Variants in P2RY8 observed in about 807,000 individuals in gnomAD.
P2RY8 encodes P2Y receptor family member 8.
In P2RY8, 6 loss-of-function variants were observed where a neutral mutation model predicts 10.0. The ratio of observed to expected loss-of-function variants is 0.60; its 90% confidence interval spans 0.33 to 1.19. The LOEUF is 1.19. P2RY8 is among the 50% of genes most tolerant of loss of function. The pLI is 0.04. For missense variants in P2RY8, 456 were observed against 542.0 expected (o/e 0.84, Z 1.58); for synonymous variants, 276 against 252.5 (o/e 1.09, Z -0.88).
chrX:1,473,291 G>A (rs1310154989), intron 1 of P2RY8, among the ~76,000 whole-genome samples: 1 of 150,624 alleles, frequency 6.6e-6, no homozygotes, highest in Admixed American at 6.6e-5. Flanking sequence ...GTGGATGGGG[G>A]GTTGGATGGA....
chrX:1,462,977 C>CAAA lies in P2RY8; in HGVS notation c.*2499_*2501dup, dbSNP rs60116199. ...GTGGCTGCAAAAATCATCATACTGA[C>CAAA]AAAAAAAAAAAATCGACGCATTTTG... On this transcript the variant is annotated 3_prime_UTR_variant, in exon 2 of 2. Transcript: ENST00000381297. 117 of 214,470 alleles carry CAAA rather than the reference C, an allele frequency of 5.5e-4. No homozygotes were observed. Among genetic ancestry groups the CAAA allele is most frequent in the Admixed American group, 8.3e-4 (14 of 16,930 alleles). 13.3% of individuals were successfully genotyped at this position (214,470 alleles called of 1,614,324 possible).
chrX:1,519,288 A>G (rs1415252374), intron 1 of P2RY8, among the ~76,000 whole-genome samples: 2 of 150,788 alleles, frequency 1.3e-5, no homozygotes, highest in African/African-American at 4.9e-5. Flanking sequence ...CTGCTCCCCA[A>G]TATTCTCTCC....
chrX:1,466,868 T>TTCCC (rs1353274707), intron 1 of P2RY8, among the ~76,000 whole-genome samples: 1 of 1,046 alleles, frequency 9.6e-4, no homozygotes, highest in Non-Finnish European at 2.0e-3. Context: ...TCTTCCCTCC[T>TTCCC]TCCTTCCTTC....
chrX:1,473,586 G>T (rs2091827071), intron 1 of P2RY8, among the ~76,000 whole-genome samples: 1 of 151,274 alleles, frequency 6.6e-6, no homozygotes, highest in Admixed American at 6.6e-5. Context: ...GTGGGTAGGT[G>T]GGTGAATGGG....
At chrX:1,502,748 G>A (rs2092192279) in intron 1 of P2RY8, among the ~76,000 whole-genome samples, 1 of 152,224 alleles carries the variant, frequency 6.6e-6, no homozygotes, top group Non-Finnish European at 1.5e-5. Context: ...TAAATGCAAT[G>A]ACAGGTGTCC....
chrX:1,534,674 T>C (rs1288699292), intron 1 of P2RY8, among the ~76,000 whole-genome samples: 5 of 151,876 alleles, frequency 3.3e-5, no homozygotes, highest in African/African-American at 1.2e-4. Context: ...GAGGCAGGGC[T>C]GAAGGAGAGG....
chrX:1,509,749 C>G lies in P2RY8; in HGVS notation c.-25+27172G>C, dbSNP rs866689539. Among the ~76,000 whole-genome samples the G allele has an allele frequency of 5.0e-3, 460 of 92,666 alleles. 1 individual carries two copies. The highest frequency in any genetic ancestry group is 8.1e-3 in the Middle Eastern group (1 of 124). 60.8% of individuals were successfully genotyped at this position (92,666 alleles called of 152,430 possible). On this transcript the variant is annotated intron_variant, in intron 1 of 1. Coordinates refer to ENST00000381297, the MANE Select transcript of P2RY8 (RefSeq NM_178129.5). The stretch of plus-strand genomic sequence containing the variant: ...TCTATGTATCTATCTATGTATCTAT[C>G]TGTCTATCTATCTATCTATCTATCT...
At chrX:1,488,733 GGTGTGTGTGTGT>G (rs771296428) in intron 1 of P2RY8, among the ~76,000 whole-genome samples, 1 of 147,530 alleles carries the variant, frequency 6.8e-6, no homozygotes, top group African/African-American at 2.5e-5. Context: ...GTAAATGCAG[GGTGTGTGTGTGT>G]GTGTGTGTGT....
At chrX:1,490,413 A>G (rs2092033335) in intron 1 of P2RY8, among the ~76,000 whole-genome samples, 1 of 149,876 alleles carries the variant, frequency 6.7e-6, no homozygotes, top group African/African-American at 2.5e-5. Flanking sequence ...ATGATACCCC[A>G]GATTCAGTTC....
At chrX:1,525,098 A>G (rs779017049) in intron 1 of P2RY8, among the ~76,000 whole-genome samples, 117 of 152,322 alleles carry the variant, frequency 7.7e-4, no homozygotes, top group African/African-American at 2.8e-3. Flanking sequence ...AGAGGGTTTG[A>G]GTGGGGACCC....
intron 1 of P2RY8, among the ~76,000 whole-genome samples, chrX:1,500,884 C>T (rs1389065822): frequency 6.6e-6 from 1 of 152,162 alleles, no homozygotes; most frequent in Admixed American, 6.5e-5. Flanking sequence ...CCCAGCAGCA[C>T]CCAGGCTCCG....
chrX:1,522,060 C>A (rs1182452721), intron 1 of P2RY8, among the ~76,000 whole-genome samples: 1 of 137,600 alleles, frequency 7.3e-6, no homozygotes, highest in African/African-American at 2.7e-5. Flanking sequence ...TCAGGTGATT[C>A]TCCTGCCTCA....
intron 1 of P2RY8, among the ~76,000 whole-genome samples, chrX:1,517,294 C>T (rs1345306595): frequency 1.3e-5 from 2 of 152,198 alleles, no homozygotes; most frequent in African/African-American, 2.4e-5. Flanking sequence ...GAGGAGACAG[C>T]ATCTACAAGC....
At chrX:1,472,154 C>T (rs1307295819) in intron 1 of P2RY8, among the ~76,000 whole-genome samples, 1 of 151,944 alleles carries the variant, frequency 6.6e-6, no homozygotes, top group Non-Finnish European at 1.5e-5. Context: ...CTGATACTCT[C>T]GGTATTATGG....
intron 1 of P2RY8, among the ~76,000 whole-genome samples, chrX:1,468,947 C>T (rs1375990926): frequency 3.6e-3 from 1 of 276 alleles, no homozygotes; most frequent in African/African-American, 0.026. Flanking sequence ...CTCTCCTCTC[C>T]CCTCTCCCCT....
At chrX:1,471,392 T>A (rs1236900018) in intron 1 of P2RY8, among the ~76,000 whole-genome samples, 1 of 135,748 alleles carries the variant, frequency 7.4e-6, no homozygotes, top group Non-Finnish European at 1.5e-5. Context: ...ACTCCTGACC[T>A]CTGATGTATG....
chrX:1,486,786 T>A (rs1603456895), intron 1 of P2RY8, among the ~76,000 whole-genome samples: 1 of 152,326 alleles, frequency 6.6e-6, no homozygotes, highest in African/African-American at 2.4e-5. Flanking sequence ...CTGGTTTACT[T>A]CCTGCGTCTG....
chrX:1,506,465 G>T (rs1271184675), intron 1 of P2RY8, among the ~76,000 whole-genome samples: 1 of 151,992 alleles, frequency 6.6e-6, no homozygotes, highest in African/African-American at 2.4e-5. Flanking sequence ...CTGCCTCTTT[G>T]TCCTTTCCAT....
intron 1 of P2RY8, among the ~76,000 whole-genome samples, chrX:1,515,820 G>A (rs1312430581): frequency 5.3e-5 from 8 of 151,818 alleles, no homozygotes; most frequent in South Asian, 2.1e-4. Context: ...CTCTGGGGGA[G>A]ATTAGGGTGG....
Sources: allele counts gnomAD v4.1 joint callset (sites outside exome capture counted in the v4.1 genomes callset), GRCh38; gene constraint gnomAD v4.1.1; transcripts MANE v1.5; gene names NCBI Gene and HGNC (gene_info 2026-07-23, HGNC 2026-07-21).